Variants in RCBTB1 observed in about 807,000 individuals in gnomAD.
The protein encoded by RCBTB1 is RCC1 and BTB domain containing protein 1.
Under a neutral mutation model 62.4 loss-of-function variants are expected in RCBTB1, and 46 were observed. That is an observed-to-expected ratio of 0.74 (90% CI 0.58 to 0.94). RCBTB1 has a LOEUF of 0.94. Among genes scored for constraint, RCBTB1 ranks in the 40% least tolerant of loss-of-function variants. The pLI, the probability that RCBTB1 is intolerant of heterozygous loss-of-function variation, is 0.00. For missense variants in RCBTB1, 565 were observed against 654.9 expected (o/e 0.86, Z 1.50); for synonymous variants, 222 against 245.8 (o/e 0.90, Z 0.91).
At chr13:49,563,750 C>T (rs1962672205) in intron 4 of RCBTB1, among the ~76,000 whole-genome samples, 1 of 152,220 alleles carries the variant, frequency 6.6e-6, no homozygotes, top group South Asian at 2.1e-4. Context: ...ATGCTCAACT[C>T]CAGTTATATT....
rs201278992 is a variant in RCBTB1, at chr13:49,567,172, G to A, written c.108C>T (p.Tyr36=). ...VFGTSASEAL[Y]VTDNDEVFVF... ...CTCTTACCTCATCATTGTCAGTAAC[G>A]TACAGTGCTTCACTGGCTGAGGTGC... Residue 36 remains tyrosine, a synonymous_variant, in exon 3 of 13, where the codon TAC becomes TAT. Coordinates refer to ENST00000378302, the MANE Select transcript of RCBTB1 (RefSeq NM_018191.4). 22 of 1,613,834 alleles carry A rather than the reference G, an allele frequency of 1.4e-5. No homozygotes were observed. The highest frequency in any genetic ancestry group is 2.2e-5 in the East Asian group (1 of 44,898).
chr13:49,540,933 T>C lies in RCBTB1; in HGVS notation c.1398A>G (p.Gly466=), dbSNP rs1362411914. The change falls in exon 12 of 13, where the codon GGA becomes GGG. Residue 466 remains glycine (G), a synonymous_variant. Coordinates refer to ENST00000378302, the MANE Select transcript of RCBTB1 (RefSeq NM_018191.4). ...KKLCQHIIKR[G]ITVENAFSLF... ...GCGAAAAGGCATTCTCCACAGTAAT[T>C]CCTCTCTTGATAATGTGCTGACAAA... is the stretch of plus-strand genomic sequence containing the variant. 1 of 1,613,916 alleles carries C rather than the reference T, an allele frequency of 6.2e-7. No homozygotes were observed. The highest frequency in any genetic ancestry group is 1.1e-5 in the South Asian group (1 of 91,080).
chr13:49,578,877 T>C (rs1292162694), intron 2 of RCBTB1, among the ~76,000 whole-genome samples: 1 of 152,214 alleles, frequency 6.6e-6, no homozygotes, highest in Non-Finnish European at 1.5e-5. Flanking sequence ...GGTATGACAA[T>C]CTTTATTTCT....
At chr13:49,578,356 C>T (rs1463992747) in intron 2 of RCBTB1, among the ~76,000 whole-genome samples, 12 of 152,088 alleles carry the variant, frequency 7.9e-5, no homozygotes, top group Admixed American at 7.9e-4. Flanking sequence ...TTAATATTTG[C>T]AATTTGAGGC....
chr13:49,534,846 C>T (rs984761553), intron 12 of RCBTB1, among the ~76,000 whole-genome samples: 2 of 152,104 alleles, frequency 1.3e-5, no homozygotes, highest in Admixed American at 6.6e-5. Flanking sequence ...CCAGCCTGGC[C>T]AACATAGGGA....
chr13:49,538,953 T>C (rs1485751684), intron 12 of RCBTB1, among the ~76,000 whole-genome samples: 1 of 151,666 alleles, frequency 6.6e-6, no homozygotes, highest in East Asian at 1.9e-4. Context: ...TGGTACAACT[T>C]CTCCCTCCCA....
At chr13:49,547,580 C>T (rs969808414) in intron 9 of RCBTB1, among the ~76,000 whole-genome samples, 14 of 152,088 alleles carry the variant, frequency 9.2e-5, no homozygotes, top group African/African-American at 3.4e-4. Context: ...TTAAGACATC[C>T]TAGCTTTTTC....
intron 6 of RCBTB1, among the ~76,000 whole-genome samples, 174 bp from the exon 7 acceptor site, chr13:49,552,459 T>G (rs1566233880): frequency 1.3e-5 from 2 of 152,142 alleles, no homozygotes; most frequent in Non-Finnish European, 2.9e-5. Flanking sequence ...ATGACAGAAT[T>G]GGCATCAGTT....
rs1959615309 is a variant in RCBTB1, at chr13:49,532,211, T to C, written c.*1911A>G. On this transcript the variant is annotated 3_prime_UTR_variant, in exon 13 of 13. Coordinates refer to ENST00000378302, the MANE Select transcript of RCBTB1 (RefSeq NM_018191.4). ...ATTTAAAAAAAATAATCAAATGCTT[T>C]TTGAAAGACCTGTTCTCTTCACTGC... The C allele has an allele frequency of 6.8e-6, 1 of 146,830 alleles. No homozygotes were observed. Among genetic ancestry groups the C allele is most frequent in the South Asian group, 2.2e-4 (1 of 4,638 alleles). 9.1% of individuals were successfully genotyped at this position (146,830 alleles called of 1,614,324 possible).
chr13:49,579,929 G>A (rs1341347854), intron 2 of RCBTB1, among the ~76,000 whole-genome samples: 1 of 152,162 alleles, frequency 6.6e-6, no homozygotes, highest in Non-Finnish European at 1.5e-5. Flanking sequence ...TTGACTTGAA[G>A]CACAATTTGC....
chr13:49,549,968 T>C (rs937844968), intron 8 of RCBTB1: 1 of 900,870 alleles, frequency 1.1e-6, no homozygotes, highest in Non-Finnish European at 1.3e-6. Flanking sequence ...CCCTAACAAA[T>C]GTGATGGCTT....
At chr13:49,539,409 C>G (rs1448936030) in intron 12 of RCBTB1, 1 of 152,196 alleles carries the variant, frequency 6.6e-6, no homozygotes, top group Non-Finnish European at 1.5e-5. Flanking sequence ...GAGGCTTTTT[C>G]TGTAAACTTC....
intron 11 of RCBTB1, 89 bp downstream of exon 11, chr13:49,541,587 A>C (rs1042997821): frequency 1.3e-5 from 17 of 1,277,040 alleles, no homozygotes; most frequent in Non-Finnish European, 1.8e-5. Flanking sequence ...AAGCCAATAC[A>C]CCTGAAGCTT....
In RCBTB1 at chr13:49,552,183, T is replaced by TCACA; in HGVS notation, c.702_705dup (p.Asn236CysfsTer17). ...TGAGAGTGCACCACACGTACCTGGT[T>TCACA]CACACACACGCTGTGCAAAGCTGCC... On this transcript the variant is annotated frameshift_variant, in exon 7 of 13. Transcript: ENST00000378302. LOFTEE classifies it high-confidence loss of function. The TCACA allele has an allele frequency of 6.4e-7, 1 of 1,573,670 alleles. No individual in the cohort carries two copies.
At position 49,534,105 on chromosome 13, in the gene RCBTB1, C is replaced by T. The variant is rs754243839; in HGVS notation, c.*17G>A. On this transcript the variant is annotated 3_prime_UTR_variant, in exon 13 of 13. Coordinates refer to ENST00000378302, the MANE Select transcript of RCBTB1 (RefSeq NM_018191.4). ...AGTGCCCCAGAGCACTCACACAGAA[C>T]CCAGCAGCCTTGCGCTTCAGTTCTT... is the stretch of plus-strand genomic sequence containing the variant. 3.1e-6 allele frequency: 5 copies of T among 1,611,988 alleles called. No homozygotes were observed. In the South Asian group the frequency reaches 5.5e-5, roughly 18 times the overall value.
intron 4 of RCBTB1, among the ~76,000 whole-genome samples, chr13:49,564,887 T>C (rs1269006952): frequency 7.4e-6 from 1 of 134,604 alleles, no homozygotes; most frequent in African/African-American, 3.2e-5. Context: ...AGAGACTCCG[T>C]CTCAAAAAAA....
At chr13:49,557,091 C>T (rs1192013654) in intron 5 of RCBTB1, among the ~76,000 whole-genome samples, 2 of 152,256 alleles carry the variant, frequency 1.3e-5, no homozygotes, top group East Asian at 3.9e-4. Flanking sequence ...ATCTTGGTCT[C>T]CCTGAGCTTT....
At chr13:49,566,892 GGTT>G (rs1963059314) in intron 3 of RCBTB1, 124 bp from the exon 4 acceptor site, 1 of 975,458 alleles carries the variant, frequency 1.0e-6, no homozygotes, top group Non-Finnish European at 1.5e-6. Flanking sequence ...AGACTGATAT[GGTT>G]GTTAAGAAAA....
chr13:49,581,970 T>A (rs1249400390), intron 1 of RCBTB1, among the ~76,000 whole-genome samples: 1 of 152,272 alleles, frequency 6.6e-6, no homozygotes, highest in African/African-American at 2.4e-5. Flanking sequence ...AACAACTTGT[T>A]CAAGAAATTT....
Sources: allele counts gnomAD v4.1 joint callset (sites outside exome capture counted in the v4.1 genomes callset), GRCh38; gene constraint gnomAD v4.1.1; transcripts MANE v1.5; gene names NCBI Gene and HGNC (gene_info 2026-07-23, HGNC 2026-07-21).